Variants in NCKAP5 observed in about 807,000 individuals in gnomAD.
NCKAP5 encodes NCK associated protein 5.
NCKAP5 carries 92 observed loss-of-function variants against 167.0 expected under a neutral mutation model. The ratio of observed to expected loss-of-function variants is 0.55; its 90% CI spans 0.47 to 0.66. The LOEUF (loss-of-function observed/expected upper bound fraction) is 0.66. NCKAP5 is among the 30% of genes least tolerant of loss of function. NCKAP5 has a pLI of 0.00. For missense variants in NCKAP5, 2,378 were observed against 2,315.0 expected (o/e 1.03, Z -0.56); for synonymous variants, 891 against 877.4 (o/e 1.02, Z -0.27).
intron 3 of NCKAP5, among the ~76,000 whole-genome samples, chr2:133,474,151 TCTATAC>T (rs1185181828): frequency 0.011 from 1,450 of 131,222 alleles, 18 homozygotes; most frequent in African/African-American, 0.052. Context: ...TATCTATCTA[TCTATAC>T]ACACACACAC....
chr2:133,596,518 G>C, the NCKAP5 span: 1 of 152,442 alleles, frequency 6.6e-6, no homozygotes, highest in South Asian at 2.1e-4. Context: ...AATGGAAAAT[G>C]GGGGGAGAAT....
intron 3 of NCKAP5, among the ~76,000 whole-genome samples, chr2:133,497,975 A>C (rs924338003): frequency 1.3e-5 from 2 of 152,196 alleles, no homozygotes; most frequent in Non-Finnish European, 2.9e-5. Flanking sequence ...AGCCATGCGT[A>C]TGTCTAATAT....
intron 4 of NCKAP5, among the ~76,000 whole-genome samples, chr2:133,239,540 T>C (rs999566992): frequency 2.6e-5 from 4 of 152,200 alleles, no homozygotes; most frequent in Non-Finnish European, 5.9e-5. Flanking sequence ...AACTAGACTA[T>C]AGGAAAATCA....
the NCKAP5 span, among the ~76,000 whole-genome samples, chr2:133,620,162 T>C: frequency 8.5e-6 from 1 of 117,266 alleles, no homozygotes; most frequent in African/African-American, 3.2e-5. Flanking sequence ...ACAGGACCTA[T>C]ATAACAATAA....
At chr2:133,088,049 C>G (rs1445304201) in intron 6 of NCKAP5, among the ~76,000 whole-genome samples, 1 of 152,188 alleles carries the variant, frequency 6.6e-6, no homozygotes, top group Non-Finnish European at 1.5e-5. Context: ...CCTCCCTTAA[C>G]ATGCCTCCTC....
At chr2:132,906,848 A>G (rs142169757) in intron 8 of NCKAP5, among the ~76,000 whole-genome samples, 165 of 152,350 alleles carry the variant, frequency 1.1e-3, no homozygotes, top group African/African-American at 3.6e-3. Flanking sequence ...CATGGACCTC[A>G]GGAGTTTGGG....
chr2:133,293,101 T>C (rs1030287896), intron 4 of NCKAP5, among the ~76,000 whole-genome samples: 1 of 152,190 alleles, frequency 6.6e-6, no homozygotes, highest in African/African-American at 2.4e-5. Context: ...AAAATGTGTT[T>C]TATAGAACCC....
chr2:133,456,653 T>C (rs1439322350), intron 3 of NCKAP5, among the ~76,000 whole-genome samples: 1 of 152,208 alleles, frequency 6.6e-6, no homozygotes. Context: ...AACCTTATTA[T>C]GTAGTGAATT....
the NCKAP5 span, among the ~76,000 whole-genome samples, chr2:133,628,665 A>G: frequency 6.6e-6 from 1 of 152,238 alleles, no homozygotes; most frequent in Non-Finnish European, 1.5e-5. Flanking sequence ...CACCAAAAAA[A>G]GAGCCCGTAT....
intron 3 of NCKAP5, among the ~76,000 whole-genome samples, chr2:133,309,177 G>A (rs1187678548): frequency 1.3e-5 from 2 of 151,908 alleles, no homozygotes; most frequent in South Asian, 2.1e-4. Context: ...TAATATTATG[G>A]GCTAATTTAA....
chr2:132,992,058 G>A (rs2077465075), intron 7 of NCKAP5, among the ~76,000 whole-genome samples: 1 of 152,178 alleles, frequency 6.6e-6, no homozygotes, highest in Non-Finnish European at 1.5e-5. Flanking sequence ...TAGTGCATAT[G>A]AGAAGTTCAG....
intron 5 of NCKAP5, among the ~76,000 whole-genome samples, chr2:133,157,343 A>G (rs1315624433): frequency 6.6e-6 from 1 of 152,220 alleles, no homozygotes; most frequent in Non-Finnish European, 1.5e-5. Flanking sequence ...TCCACCACCT[A>G]TGAAAAGGCA....
intron 4 of NCKAP5, chr2:133,264,944 T>C (rs1172455583): frequency 6.6e-6 from 1 of 152,208 alleles, no homozygotes; most frequent in Non-Finnish European, 1.5e-5. Flanking sequence ...AAGCTACTCC[T>C]GCAAAGAACA....
chr2:132,719,746 C>T (rs1362652397), intron 19 of NCKAP5, among the ~76,000 whole-genome samples: 2 of 152,198 alleles, frequency 1.3e-5, no homozygotes, highest in African/African-American at 2.4e-5. Flanking sequence ...GGGGAGGCAG[C>T]ATGCCTTGGG....
At chr2:133,368,897 T>C (rs1418955815) in intron 3 of NCKAP5, among the ~76,000 whole-genome samples, 1 of 152,208 alleles carries the variant, frequency 6.6e-6, no homozygotes, top group Non-Finnish European at 1.5e-5. Context: ...TAAAACTTAG[T>C]AGTCCCAGAG....
chr2:133,652,841 A>G, the NCKAP5 span, among the ~76,000 whole-genome samples: 2 of 152,166 alleles, frequency 1.3e-5, no homozygotes, highest in Non-Finnish European at 2.9e-5. Context: ...TCTACACTCA[A>G]TTCTCTCTGT....
chr2:133,211,722 C>A (rs2086219549), intron 5 of NCKAP5, among the ~76,000 whole-genome samples: 1 of 152,136 alleles, frequency 6.6e-6, no homozygotes, highest in Non-Finnish European at 1.5e-5. Context: ...TAAACATTTG[C>A]CTAACCAATC....
intron 8 of NCKAP5, among the ~76,000 whole-genome samples, chr2:132,945,431 A>G (rs1697639598): frequency 6.6e-6 from 1 of 152,034 alleles, no homozygotes. Context: ...TGAAAGGAGG[A>G]TCTCTGTGCC....
At chr2:133,429,109 C>T (rs1279988901) in intron 3 of NCKAP5, among the ~76,000 whole-genome samples, 5 of 152,220 alleles carry the variant, frequency 3.3e-5, no homozygotes, top group Admixed American at 3.3e-4. Flanking sequence ...TCTGAATAAC[C>T]ACCAGTGGGT....
Sources: allele counts gnomAD v4.1 joint callset (sites outside exome capture counted in the v4.1 genomes callset), GRCh38; gene constraint gnomAD v4.1.1; transcripts MANE v1.5; gene names NCBI Gene and HGNC (gene_info 2026-07-23, HGNC 2026-07-21).